The following CELF5 variants were observed in gnomAD, a reference collection of about 807,000 sequenced individuals.
CELF5 encodes CUG-BP and ETR-3 like factor 5.
CELF5 carries 6 observed loss-of-function variants against 54.9 expected under a neutral mutation model. The ratio of observed to expected loss-of-function variants is 0.11; its 90% CI spans 0.06 to 0.22. CELF5 has a LOEUF of 0.22. Among genes scored for constraint, CELF5 ranks in the 10% least tolerant of loss-of-function variants. CELF5 has a pLI of 1.00. For synonymous variants in CELF5, 271 were observed against 290.9 expected, an observed-to-expected ratio of 0.93 and a Z score of 0.70; for missense variants, 401 against 678.6, an observed-to-expected ratio of 0.59 and a Z score of 4.54.
At chr19:3,272,227 G>A (rs1447009647) in intron 2 of CELF5, among the ~76,000 whole-genome samples, 1 of 152,022 alleles carries the variant, frequency 6.6e-6, no homozygotes, top group Non-Finnish European at 1.5e-5. Context: ...AAATTAGCTG[G>A]GCGTATTGGT....
intron 1 of CELF5, among the ~76,000 whole-genome samples, chr19:3,229,494 G>A (rs2144970922): frequency 6.6e-6 from 1 of 152,312 alleles, no homozygotes; most frequent in African/African-American, 2.4e-5. Flanking sequence ...TGGAGGCCAG[G>A]AGGGCCGCCT....
intron 1 of CELF5, among the ~76,000 whole-genome samples, chr19:3,248,875 TTCCTTC>T (rs2079605084): frequency 1.2e-4 from 15 of 127,272 alleles, no homozygotes; most frequent in African/African-American, 4.2e-4. Flanking sequence ...CCTTCCTTCC[TTCCTTC>T]CTTCCTTCCT....
At chr19:3,225,263 C>CCT (rs1322893235) in intron 1 of CELF5, among the ~76,000 whole-genome samples, 1 of 107,412 alleles carries the variant, frequency 9.3e-6, no homozygotes, top group African/African-American at 3.7e-5. Flanking sequence ...TCTCTCTCTC[C>CCT]CTCTCTCTCT....
intron 2 of CELF5, among the ~76,000 whole-genome samples, chr19:3,255,085 C>T (rs2079704748): frequency 6.6e-6 from 1 of 152,202 alleles, no homozygotes; most frequent in Non-Finnish European, 1.5e-5. Context: ...GCTAAACTCC[C>T]ATCATCAGTT....
At chr19:3,257,696 G>A (rs1191166266) in intron 2 of CELF5, among the ~76,000 whole-genome samples, 1 of 151,564 alleles carries the variant, frequency 6.6e-6, no homozygotes, top group Non-Finnish European at 1.5e-5. Flanking sequence ...GGCTGGTCTC[G>A]AACTCCCGAG....
intron 1 of CELF5, 108 bp downstream of exon 1, chr19:3,225,106 C>T (rs1916815882): frequency 7.3e-6 from 5 of 688,018 alleles, no homozygotes; most frequent in African/African-American, 4.2e-5. Context: ...CCTCCCTCCT[C>T]TGCCTGCCTC....
intron 10 of CELF5, 65 bp from the exon 11 acceptor site, chr19:3,290,166 C>T (rs1018801495): frequency 2.9e-6 from 4 of 1,361,216 alleles, no homozygotes; most frequent in Admixed American, 1.8e-5. Flanking sequence ...GACCTGTGCC[C>T]CTCCCCCGGG....
chr19:3,290,563 CTTTTTTT>C (rs34393788), intron 11 of CELF5, among the ~76,000 whole-genome samples, 189 bp downstream of exon 11: 1 of 126,992 alleles, frequency 7.9e-6, no homozygotes, highest in Non-Finnish European at 1.6e-5. Context: ...GTTTGGGTTT[CTTTTTTT>C]TTTTTTTTTT....
intron 1 of CELF5, among the ~76,000 whole-genome samples, chr19:3,240,034 A>G (rs2079469801): frequency 6.8e-6 from 1 of 146,744 alleles, no homozygotes; most frequent in African/African-American, 2.5e-5. Flanking sequence ...TTGAGGCAAG[A>G]GTTTTGCTCT....
rs2080093899 is a variant in CELF5 at position 3,278,502 on chromosome 19, G to C, written c.603+392G>C. On this transcript the variant is annotated intron_variant, in intron 5 of 12. Coordinates refer to ENST00000292672, the MANE Select transcript of CELF5 (RefSeq NM_021938.4). The surrounding 1 kb of genome is among the most constrained non-coding windows in gnomAD (Gnocchi z 4.5). The stretch of plus-strand genomic sequence containing the variant: ...TGAGTGCTGTGTGCACGAGGGGTGT[G>C]CGTAAATATGTATGGATAAGTGTGC... 6.6e-6 allele frequency among the ~76,000 whole-genome samples: 1 copy of C among 152,036 alleles called. No homozygotes were observed. The highest frequency in any genetic ancestry group is 1.5e-5 in the Non-Finnish European group (1 of 68,010).
chr19:3,235,694 A>ATGGG (rs1917548675), intron 1 of CELF5, among the ~76,000 whole-genome samples: 2 of 132,268 alleles, frequency 1.5e-5, no homozygotes, highest in African/African-American at 2.9e-5. Context: ...GGATGGGTGG[A>ATGGG]TGGATGGATG....
Position 3,228,389 on chromosome 19 carries a change from C to T in CELF5, c.259+3391C>T, listed in dbSNP as rs1004298691. On this transcript the variant is annotated intron_variant, in intron 1 of 12. Transcript: ENST00000292672. This position sits in a 1 kb window ranked among gnomAD's most constrained non-coding sequence, Gnocchi z 6.0. ...GGCTCCCGCTGGCCCCCCTGCAGTT[C>T]CTGCCCCGGGGACCCTCCCTCCAAG... is the stretch of plus-strand genomic sequence containing the variant. Among the ~76,000 whole-genome samples, 1 of 152,200 alleles carries T rather than the reference C, an allele frequency of 6.6e-6. No homozygotes were observed. Among genetic ancestry groups the T allele is most frequent in the African/African-American group, 2.4e-5 (1 of 41,470 alleles).
rs773085495 is a variant in CELF5, at chr19:3,281,949, C to T, written c.751-177C>T. On this transcript the variant is annotated intron_variant, in intron 6 of 12. Transcript: ENST00000292672. This position sits in a 1 kb window ranked among gnomAD's most constrained non-coding sequence, Gnocchi z 6.5. ...TCTCAGCCTGAGCCTCACTTCCGAA[C>T]CGATCTCTGCTCCCAGGCTGAGCCT... Among the ~76,000 whole-genome samples the T allele has an allele frequency of 4.6e-5, 7 of 152,084 alleles. No homozygotes were observed. The highest frequency in any genetic ancestry group is 1.0e-4 in the Non-Finnish European group (7 of 68,012).
At chr19:3,280,553 C>T (rs936092999) in intron 5 of CELF5, among the ~76,000 whole-genome samples, 39 of 152,174 alleles carry the variant, frequency 2.6e-4, no homozygotes, top group African/African-American at 9.4e-4. Context: ...CCAGCCTGGG[C>T]AACAAGAGCG....
At chr19:3,238,505 C>G (rs1490962973) in intron 1 of CELF5, among the ~76,000 whole-genome samples, 1 of 152,152 alleles carries the variant, frequency 6.6e-6, no homozygotes, top group Non-Finnish European at 1.5e-5. Flanking sequence ...GGTAGGGCCT[C>G]ACTTTCTCCA....
chr19:3,278,552 T>C lies in CELF5; in HGVS notation c.603+442T>C, dbSNP rs537066292. On this transcript the variant is annotated intron_variant, in intron 5 of 12. Coordinates refer to ENST00000292672, the MANE Select transcript of CELF5 (RefSeq NM_021938.4). The surrounding 1 kb of genome is among the most constrained non-coding windows in gnomAD (Gnocchi z 4.5). ...CCATTGTGTGCTAGTGTAGAGATAC[T>C]AGTGCGTGTGCGTGTATGAGAGTGT... 6.6e-6 allele frequency among the ~76,000 whole-genome samples: 1 copy of C among 151,930 alleles called. No individual in the cohort carries two copies. Among genetic ancestry groups the C allele is most frequent in the South Asian group, 2.1e-4 (1 of 4,804 alleles).
chr19:3,280,493 T>G (rs973002168), intron 5 of CELF5, among the ~76,000 whole-genome samples: 25 of 152,144 alleles, frequency 1.6e-4, no homozygotes, highest in African/African-American at 5.3e-4. Context: ...GAGAATCACT[T>G]GAACCTGGAA....
intron 2 of CELF5, among the ~76,000 whole-genome samples, chr19:3,265,831 G>A (rs544756259): frequency 1.2e-4 from 18 of 151,676 alleles, no homozygotes; most frequent in Non-Finnish European, 2.7e-4. Flanking sequence ...TTTTGAGATG[G>A]AGTCTCACTC....
At chr19:3,294,816 A>T (rs1161582492) in intron 12 of CELF5, 1 of 152,272 alleles carries the variant, frequency 6.6e-6, no homozygotes, top group Non-Finnish European at 1.5e-5. Flanking sequence ...ATCTGTCCCC[A>T]GCTGCCAGAG....
Sources: allele counts gnomAD v4.1 joint callset (sites outside exome capture counted in the v4.1 genomes callset), GRCh38; gene constraint gnomAD v4.1.1; non-coding constraint Gnocchi (gnomAD v3.1); transcripts MANE v1.5; gene names NCBI Gene and HGNC (gene_info 2026-07-23, HGNC 2026-07-21).